The following CBFA2T3 variants were observed in gnomAD, a reference collection of about 807,000 sequenced individuals.
The protein encoded by CBFA2T3 is CBFA2/RUNX1 partner transcriptional co-repressor 3.
CBFA2T3 carries 31 observed loss-of-function variants against 58.6 expected under a neutral mutation model. The observed-to-expected ratio is 0.53, with a 90% CI of 0.40 to 0.71. The LOEUF is 0.71. Ranked by LOEUF, CBFA2T3 falls within the 30% of genes least tolerant of loss-of-function variation. The pLI, the probability that CBFA2T3 is intolerant of heterozygous loss-of-function variation, is 0.00. For missense variants in CBFA2T3, 1,076 were observed against 963.1 expected (o/e 1.12, Z -1.55); for synonymous variants, 531 against 421.9 (o/e 1.26, Z -3.17).
intron 1 of CBFA2T3, among the ~76,000 whole-genome samples, chr16:88,906,837 C>T (rs1312960418): frequency 1.3e-5 from 2 of 152,194 alleles, no homozygotes; most frequent in African/African-American, 2.4e-5. Flanking sequence ...TAAACGGTCC[C>T]GATGCCAGCC....
chr16:88,900,254 G>C (rs1970046401), intron 2 of CBFA2T3, among the ~76,000 whole-genome samples: 1 of 152,238 alleles, frequency 6.6e-6, no homozygotes, highest in South Asian at 2.1e-4. Flanking sequence ...CGGCACACCT[G>C]GGGGCACCCC....
At position 88,953,222 on chromosome 16, in the gene CBFA2T3, C is replaced by T. The variant is rs534731736; in HGVS notation, c.151+23435G>A. On this transcript the variant is annotated intron_variant, in intron 1 of 11. Coordinates refer to ENST00000268679, the MANE Select transcript of CBFA2T3 (RefSeq NM_005187.6). This position sits in a 1 kb window ranked among gnomAD's most constrained non-coding sequence, Gnocchi z 4.9. ...GCTGGGTTTGTCATGCTCAGCCAGA[C>T]CCGCTCCCGGTGGAGAGGCCGAGGG... is the stretch of plus-strand genomic sequence containing the variant. 3.7e-4 allele frequency among the ~76,000 whole-genome samples: 57 copies of T among 152,346 alleles called. No homozygotes were observed. The highest frequency in any genetic ancestry group is 9.8e-4 in the Admixed American group (15 of 15,306).
chr16:88,952,299 G>C (rs990292976), intron 1 of CBFA2T3, among the ~76,000 whole-genome samples: 4 of 152,212 alleles, frequency 2.6e-5, no homozygotes, highest in African/African-American at 9.6e-5. Context: ...CACGGGGTGA[G>C]GGAGCTGCCT....
chr16:88,920,007 C>A (rs1007373172), intron 1 of CBFA2T3, among the ~76,000 whole-genome samples: 5 of 152,270 alleles, frequency 3.3e-5, no homozygotes, highest in Admixed American at 3.3e-4. Flanking sequence ...AGTCTGTAAA[C>A]CAGCAGCTTC....
chr16:88,931,601 G>A, intron 1 of CBFA2T3, among the ~76,000 whole-genome samples: 2 of 150,422 alleles, frequency 1.3e-5, no homozygotes, highest in South Asian at 4.2e-4. Flanking sequence ...CAGAGGTGGA[G>A]AAGGGCCGTG....
rs550971858 is a variant in CBFA2T3, at chr16:88,915,272, G to A, written c.152-13616C>T. ...GCTGGGGGGCCTATGGGTGGGTCGC[G>A]GGGTGGGGAAACTGGTGGGTGGTGG... On this transcript the variant is annotated intron_variant, in intron 1 of 11. Coordinates refer to ENST00000268679, the MANE Select transcript of CBFA2T3 (RefSeq NM_005187.6). 1.6e-3 allele frequency among the ~76,000 whole-genome samples: 198 copies of A among 124,102 alleles called. 5 individuals carry two copies. The highest frequency in any genetic ancestry group is 8.0e-3 in the Middle Eastern group (2 of 250). The allele number at this position is 124,102 out of a possible 152,430, so 81.4% of individuals were successfully genotyped here.
chr16:88,881,041 C>T (rs954879970), intron 9 of CBFA2T3: 43 of 701,960 alleles, frequency 6.1e-5, no homozygotes, highest in Non-Finnish European at 8.0e-5. Flanking sequence ...TGTCAGCATT[C>T]GTCGCTGAGG....
chr16:88,889,967 G>C (rs1024031456), intron 5 of CBFA2T3, among the ~76,000 whole-genome samples: 4 of 150,422 alleles, frequency 2.7e-5, no homozygotes, highest in African/African-American at 9.8e-5. Flanking sequence ...CTCCTCCAGG[G>C]ACGACGCCCC....
At chr16:88,904,410 A>G (rs561795) in intron 1 of CBFA2T3, among the ~76,000 whole-genome samples, 58,330 of 151,910 alleles carry the variant, frequency 0.38, 12,113 homozygotes, top group African/African-American at 0.54. Context: ...CCAAGGTCAC[A>G]CCGCGAGTGT....
At chr16:88,913,584 C>T (rs72815512) in intron 1 of CBFA2T3, among the ~76,000 whole-genome samples, 17,072 of 152,198 alleles carry the variant, frequency 0.11, 1,377 homozygotes, top group East Asian at 0.41. Flanking sequence ...CTAGCCGAAC[C>T]AGGCCTCAGA....
At chr16:88,909,709 G>A (rs1018999376) in intron 1 of CBFA2T3, among the ~76,000 whole-genome samples, 1 of 152,122 alleles carries the variant, frequency 6.6e-6, no homozygotes, top group South Asian at 2.1e-4. Context: ...ATCCGTCCAC[G>A]GCCGCCCTCC....
At chr16:88,899,453 C>G (rs1010299802) in intron 2 of CBFA2T3, among the ~76,000 whole-genome samples, 4 of 152,212 alleles carry the variant, frequency 2.6e-5, no homozygotes, top group African/African-American at 9.7e-5. Flanking sequence ...TCTTTCATAA[C>G]CTTCACGCTC....
intron 1 of CBFA2T3, among the ~76,000 whole-genome samples, chr16:88,946,883 C>G (rs962110577): frequency 1.3e-5 from 2 of 152,150 alleles, no homozygotes; most frequent in Non-Finnish European, 2.9e-5. Context: ...ACCTCCCAGG[C>G]TCAAGCGATC....
chr16:88,876,841 G>T lies in CBFA2T3; in HGVS notation c.*135C>A. 1.6e-6 allele frequency: 1 copy of T among 638,490 alleles called. No individual in the cohort carries two copies. Among genetic ancestry groups the T allele is most frequent in the Non-Finnish European group, 2.5e-6 (1 of 405,744 alleles). 39.6% of individuals were successfully genotyped at this position (638,490 alleles called of 1,614,324 possible). On this transcript the variant is annotated 3_prime_UTR_variant, in exon 12 of 12. Coordinates refer to ENST00000268679, the MANE Select transcript of CBFA2T3 (RefSeq NM_005187.6). ...GGGGCAGTAGCAGCAGTGACTAATT[G>T]GTCGGCTCCCCCAGGTCAGGCGGGG...
At chr16:88,956,250 G>A (rs940112297) in intron 1 of CBFA2T3, among the ~76,000 whole-genome samples, 17 of 152,282 alleles carry the variant, frequency 1.1e-4, no homozygotes, top group Admixed American at 8.5e-4. Context: ...TGTTTATCAC[G>A]CGTGTGACGG....
intron 1 of CBFA2T3, among the ~76,000 whole-genome samples, chr16:88,925,607 C>T (rs1971061358): frequency 6.6e-6 from 1 of 152,220 alleles, no homozygotes; most frequent in South Asian, 2.1e-4. Flanking sequence ...GGCTCCAGGC[C>T]TGCCTGAGGC....
chr16:88,944,756 C>G (rs1046056294), intron 1 of CBFA2T3, among the ~76,000 whole-genome samples: 2 of 152,242 alleles, frequency 1.3e-5, no homozygotes, highest in Admixed American at 1.3e-4. Context: ...CAGTCATGGC[C>G]CCTTCTTCTG....
chr16:88,942,811 A>T (rs1376828888), intron 1 of CBFA2T3, among the ~76,000 whole-genome samples: 1 of 151,030 alleles, frequency 6.6e-6, no homozygotes, highest in Non-Finnish European at 1.5e-5. Flanking sequence ...GTGCTTGCCC[A>T]TGTGGCTCAG....
At chr16:88,935,044 G>A (rs1298552794) in intron 1 of CBFA2T3, among the ~76,000 whole-genome samples, 1 of 152,230 alleles carries the variant, frequency 6.6e-6, no homozygotes, top group Non-Finnish European at 1.5e-5. Context: ...CTGGCCAGAA[G>A]GACGCATTCT....
Sources: allele counts gnomAD v4.1 joint callset (sites outside exome capture counted in the v4.1 genomes callset), GRCh38; gene constraint gnomAD v4.1.1; non-coding constraint Gnocchi (gnomAD v3.1); transcripts MANE v1.5; gene names NCBI Gene and HGNC (gene_info 2026-07-23, HGNC 2026-07-21).